Variants in ZNF207 observed in about 807,000 individuals in gnomAD.
ZNF207 encodes BUB3-interacting and GLEBS motif-containing protein ZNF207.
A neutral mutation model predicts 60.2 loss-of-function variants in ZNF207; 24 were observed. The observed-to-expected ratio is 0.40, with a 90% CI of 0.29 to 0.56. The LOEUF is 0.56. Ranked by LOEUF, ZNF207 falls within the 20% of genes least tolerant of loss-of-function variation. The probability of loss-of-function intolerance (pLI) is 0.49; values close to 1 mark genes in which losing one functional copy is unlikely to be tolerated. For missense variants in ZNF207, 452 were observed against 636.6 expected (o/e 0.71, Z 3.12); for synonymous variants, 236 against 194.7 (o/e 1.21, Z -1.77).
intron 1 of ZNF207, chr17:32,351,271 C>T (rs2041502064): frequency 4.9e-6 from 1 of 202,772 alleles, no homozygotes; most frequent in South Asian, 1.1e-4. Context: ...AACATAAATT[C>T]ATACGGAATT....
intron 7 of ZNF207, 103 bp downstream of exon 7, chr17:32,363,087 A>G: frequency 6.6e-6 from 7 of 1,053,806 alleles, no homozygotes; most frequent in Non-Finnish European, 9.5e-6. Flanking sequence ...AAAATTTTTG[A>G]AAGTTGCAAG....
chr17:32,361,869 ATCT>A (rs1291431573), intron 6 of ZNF207, among the ~76,000 whole-genome samples: 3 of 152,184 alleles, frequency 2.0e-5, no homozygotes, highest in African/African-American at 2.4e-5. Context: ...ATAGAAGTTA[ATCT>A]TCTGATAAAA....
At chr17:32,362,017 T>C (rs1057496435) in intron 6 of ZNF207, among the ~76,000 whole-genome samples, 1 of 152,064 alleles carries the variant, frequency 6.6e-6, no homozygotes, top group Non-Finnish European at 1.5e-5. Flanking sequence ...AATAAGTGGG[T>C]TGTGTTTTTA....
chr17:32,365,857 C>T (rs1034161735), intron 8 of ZNF207, among the ~76,000 whole-genome samples: 20 of 151,472 alleles, frequency 1.3e-4, no homozygotes, highest in South Asian at 8.3e-4. Context: ...ATTCTTAAGA[C>T]GGTAGCAAAT....
At position 32,373,673 on chromosome 17, in the gene ZNF207, G is replaced by C. The variant is rs1428641101; in HGVS notation, c.*3914G>C. On this transcript the variant is annotated 3_prime_UTR_variant, in exon 12 of 12. Coordinates refer to ENST00000394670, the MANE Select transcript of ZNF207 (RefSeq NM_001098507.2). ...TTTCATATGCAATTTTATGTAATTTGCTGTGTGTTACATAATTAACAGCTT... is the reference window on the plus strand; with the variant it reads ...TTTCATATGCAATTTTATGTAATTTCCTGTGTGTTACATAATTAACAGCTT... The C allele has an allele frequency of 2.8e-6, 1 of 361,778 alleles. No homozygotes were observed. Among genetic ancestry groups the C allele is most frequent in the African/African-American group, 2.1e-5 (1 of 47,778 alleles). 22.4% of individuals were successfully genotyped at this position (361,778 alleles called of 1,614,324 possible).
intron 2 of ZNF207, 26 bp from the exon 3 acceptor site, chr17:32,358,477 T>C (rs774585118): frequency 3.3e-6 from 5 of 1,525,582 alleles, no homozygotes; most frequent in Non-Finnish European, 3.5e-6. Context: ...AAAAGACTTT[T>C]ATCTAATGGA....
Position 32,374,049 on chromosome 17 carries a change from A to G in ZNF207, c.*4290A>G, listed in dbSNP as rs911209476. On this transcript the variant is annotated 3_prime_UTR_variant, in exon 12 of 12. Transcript: ENST00000394670. ...GTAGCTGGGATTATAGGCTCCCGCC[A>G]CCACATCTGGCTATTTTTTCAATAT... 6.6e-6 allele frequency: 1 copy of G among 151,864 alleles called. No homozygotes were observed. The highest frequency in any genetic ancestry group is 1.5e-5 in the Non-Finnish European group (1 of 68,070). 9.4% of individuals were successfully genotyped at this position (151,864 alleles called of 1,614,324 possible).
chr17:32,359,287 GTTT>G (rs766390481), intron 3 of ZNF207, among the ~76,000 whole-genome samples: 3 of 151,616 alleles, frequency 2.0e-5, no homozygotes, highest in Non-Finnish European at 2.9e-5. Context: ...TAATTTTTGT[GTTT>G]TTAGTAGAGA....
In ZNF207 at chr17:32,376,745, G is replaced by GT. The variant is rs1373810846; in HGVS notation, c.*6989dup. The GT allele has an allele frequency of 2.6e-5, 4 of 152,146 alleles. No individual in the cohort carries two copies. Among genetic ancestry groups the GT allele is most frequent in the South Asian group, 2.1e-4 (1 of 4,828 alleles). The allele number at this position is 152,146 out of a possible 1,614,324, so 9.4% of individuals were successfully genotyped here. A position where few individuals can be genotyped will look rare whatever the true frequency, so the allele number is the denominator to read the frequency against. On this transcript the variant is annotated 3_prime_UTR_variant, in exon 12 of 12. Transcript: ENST00000394670. Reference sequence around the variant, plus strand: ...GAGGCATACAATCCGTTATGAGAATGTTTATGTTTATGTTTTAATTTTTAT... The same window carrying GT: ...GAGGCATACAATCCGTTATGAGAATGTTTTATGTTTATGTTTTAATTTTTAT...
intron 8 of ZNF207, among the ~76,000 whole-genome samples, chr17:32,366,396 G>T (rs113738385): frequency 6.6e-6 from 1 of 152,098 alleles, no homozygotes; most frequent in Non-Finnish European, 1.5e-5. Flanking sequence ...TCAGTTTCAG[G>T]TATCATTCTT....
At chr17:32,368,211 A>C in intron 10 of ZNF207, 197 bp downstream of exon 10, 1 of 748,178 alleles carries the variant, frequency 1.3e-6, no homozygotes, top group East Asian at 2.8e-5. Context: ...TTTTGGTCTT[A>C]GATGGTTTCT....
intron 5 of ZNF207, 62 bp from the exon 6 acceptor site, chr17:32,361,406 C>T (rs1348306653): frequency 1.7e-5 from 25 of 1,460,898 alleles, no homozygotes; most frequent in Non-Finnish European, 2.2e-5. Context: ...GTATACAATA[C>T]ACTTTCCCAC....
intron 8 of ZNF207, among the ~76,000 whole-genome samples, chr17:32,365,977 T>C (rs1181708607): frequency 6.6e-6 from 1 of 152,170 alleles, no homozygotes; most frequent in African/African-American, 2.4e-5. Context: ...TGGTATTTCT[T>C]ACTGGTCTTT....
At chr17:32,367,269 A>ATGTATATG (rs1199032458) in intron 9 of ZNF207, among the ~76,000 whole-genome samples, 2 of 110,330 alleles carry the variant, frequency 1.8e-5, no homozygotes, top group Non-Finnish European at 3.7e-5. Context: ...ATATATATAT[A>ATGTATATG]TATATATATA....
Position 32,381,721 on chromosome 17 carries a change from G to A in ZNF207, c.*11962G>A, listed in dbSNP as rs1402084301. The A allele has an allele frequency of 1.3e-5, 2 of 152,128 alleles. No individual in the cohort carries two copies. The highest frequency in any genetic ancestry group is 6.6e-5 in the Admixed American group (1 of 15,266). 9.4% of individuals were successfully genotyped at this position (152,128 alleles called of 1,614,324 possible). ...ATGGTGCTTTATTTCCATATCTGAA[G>A]CCTGAAGTTATTTTTTAGTTTGTTT... On this transcript the variant is annotated 3_prime_UTR_variant, in exon 12 of 12. Coordinates refer to ENST00000394670, the MANE Select transcript of ZNF207 (RefSeq NM_001098507.2).
Position 32,377,174 on chromosome 17 carries a change from A to G in ZNF207, c.*7415A>G, listed in dbSNP as rs1258699592. On this transcript the variant is annotated 3_prime_UTR_variant, in exon 12 of 12. Coordinates refer to ENST00000394670, the MANE Select transcript of ZNF207 (RefSeq NM_001098507.2). ...ATTGTTTGACTTAAGAACCTTAAAT[A>G]TATTGAAAAGTAATGGCATTCTTGC... 1 of 152,052 alleles carries G rather than the reference A, an allele frequency of 6.6e-6. No individual in the cohort carries two copies. Among genetic ancestry groups the G allele is most frequent in the Non-Finnish European group, 1.5e-5 (1 of 67,912 alleles). 9.4% of individuals were successfully genotyped at this position (152,052 alleles called of 1,614,324 possible).
At chr17:32,354,609 C>T (rs1226489798) in intron 2 of ZNF207, among the ~76,000 whole-genome samples, 2 of 151,620 alleles carry the variant, frequency 1.3e-5, no homozygotes, top group African/African-American at 4.8e-5. Context: ...TGCAGCTGGC[C>T]TCTATTAGAC....
chr17:32,361,078 A>G (rs527931554), intron 5 of ZNF207, 111 bp downstream of exon 5: 5 of 1,097,874 alleles, frequency 4.6e-6, no homozygotes, highest in Non-Finnish European at 6.7e-6. Flanking sequence ...TCTAGAAGGT[A>G]TGGGCTCTAT....
At position 32,361,396 on chromosome 17, in the gene ZNF207, G is replaced by T. The variant is rs551928059; in HGVS notation, c.552-72G>T. ...ACTTAAATATTGTTGGATGTGAGAG[G>T]TATACAATACACTTTCCCACTGTAT... On this transcript the variant is annotated intron_variant, in intron 5 of 11. Transcript: ENST00000394670. The T allele has an allele frequency of 8.5e-6, 11 of 1,292,622 alleles. No homozygotes were observed. The East Asian group carries it at 1.9e-4, about 23-fold the overall frequency. 80.1% of individuals were successfully genotyped at this position (1,292,622 alleles called of 1,614,324 possible).
Sources: allele counts gnomAD v4.1 joint callset (sites outside exome capture counted in the v4.1 genomes callset), GRCh38; gene constraint gnomAD v4.1.1; transcripts MANE v1.5; gene names NCBI Gene and HGNC (gene_info 2026-07-23, HGNC 2026-07-21).